SLC15A1: variants seen among roughly 807,000 people sequenced by gnomAD.
The protein encoded by SLC15A1 is Caco-2 oligopeptide transporter.
In SLC15A1, 83 loss-of-function variants were observed where a neutral mutation model predicts 92.9. The ratio of observed to expected loss-of-function variants is 0.89; its 90% CI spans 0.75 to 1.07. The LOEUF (loss-of-function observed/expected upper bound fraction) is 1.07. Ranked by LOEUF, SLC15A1 falls within the 50% of genes least tolerant of loss-of-function variation. SLC15A1 has a pLI of 0.00. For synonymous variants in SLC15A1, 322 were observed against 318.2 expected (o/e 1.01, Z -0.13); for missense variants, 857 against 880.1 (o/e 0.97, Z 0.33).
Position 98,744,578 on chromosome 13 carries a change from C to T in SLC15A1, c.4+8017G>A, listed in dbSNP as rs554318536. 3.9e-4 allele frequency among the ~76,000 whole-genome samples: 59 copies of T among 151,464 alleles called. 1 individual carries two copies. In the South Asian group the frequency reaches 0.012, roughly 31 times the overall value. ...AGCCTGGCCAAGGTAGCAAAACCCC[C>T]TCTCTACACAAGATACAAAAATTAG... is the stretch of plus-strand genomic sequence containing the variant. On this transcript the variant is annotated intron_variant, in intron 1 of 22. Transcript: ENST00000376503.
At chr13:98,716,042 T>A (rs1053996383) in intron 8 of SLC15A1, 82 bp from the exon 9 acceptor site, 1 of 1,167,008 alleles carries the variant, frequency 8.6e-7, no homozygotes, top group Non-Finnish European at 1.3e-6. Context: ...TTTATTTGAA[T>A]TATAACTTTG....
At chr13:98,685,792 C>A (rs148532948) in intron 22 of SLC15A1, among the ~76,000 whole-genome samples, 201 of 152,204 alleles carry the variant, frequency 1.3e-3, no homozygotes, top group African/African-American at 4.7e-3. Flanking sequence ...TCGAGACCAT[C>A]CTGGCCAACA....
At chr13:98,744,522 G>A (rs996806105) in intron 1 of SLC15A1, among the ~76,000 whole-genome samples, 12 of 151,384 alleles carry the variant, frequency 7.9e-5, no homozygotes, top group South Asian at 2.1e-4. Context: ...AGGCCGAGGC[G>A]GGCAGATCAT....
At chr13:98,690,105 G>C (rs747730796) in intron 18 of SLC15A1, among the ~76,000 whole-genome samples, 1 of 152,178 alleles carries the variant, frequency 6.6e-6, no homozygotes, top group Non-Finnish European at 1.5e-5. Flanking sequence ...AAACACATGA[G>C]TGAAGGCCTA....
Position 98,686,310 on chromosome 13 carries a change from A to C in SLC15A1, c.1828-13T>G, listed in dbSNP as rs1292857973. The C allele has an allele frequency of 1.9e-6, 3 of 1,578,922 alleles. No individual in the cohort carries two copies. The Admixed American group carries it at 5.2e-5, about 27-fold the overall frequency. The stretch of plus-strand genomic sequence containing the variant: ...TGTTGGAAGGAGCCTGAGGAAGCAA[A>C]GCAAAGTGAGTCCTGCTCCAGGTCT... On this transcript the variant is annotated splice_polypyrimidine_tract_variant and intron_variant, in intron 21 of 22. Coordinates refer to ENST00000376503, the MANE Select transcript of SLC15A1 (RefSeq NM_005073.4).
chr13:98,725,694 C>A (rs12853441), intron 4 of SLC15A1, among the ~76,000 whole-genome samples: 51,440 of 151,974 alleles, frequency 0.34, 13,526 homozygotes, highest in African/African-American at 0.72. Flanking sequence ...GCAGAAACAG[C>A]GCTGTAAATG....
chr13:98,746,993 C>G (rs980072511), intron 1 of SLC15A1, among the ~76,000 whole-genome samples: 1 of 152,176 alleles, frequency 6.6e-6, no homozygotes, highest in African/African-American at 2.4e-5. Context: ...TCATCCTAAA[C>G]CCCAAAAACC....
chr13:98,723,221 T>A (rs1457097490), intron 5 of SLC15A1, among the ~76,000 whole-genome samples: 1 of 152,164 alleles, frequency 6.6e-6, no homozygotes, highest in Non-Finnish European at 1.5e-5. Context: ...GAGTGTTGCA[T>A]CAAGAGATCC....
At chr13:98,700,268 C>T (rs1314778226) in intron 18 of SLC15A1, among the ~76,000 whole-genome samples, 1 of 151,922 alleles carries the variant, frequency 6.6e-6, no homozygotes, top group African/African-American at 2.4e-5. Flanking sequence ...GGGAGGATTG[C>T]TTCAGCTCAG....
At chr13:98,708,319 T>C (rs1007252986) in intron 15 of SLC15A1, among the ~76,000 whole-genome samples, 12 of 152,198 alleles carry the variant, frequency 7.9e-5, no homozygotes, top group African/African-American at 2.9e-4. Flanking sequence ...GAATTCAAAA[T>C]ACATTCTCAC....
At chr13:98,695,394 TTTTG>T (rs937813630) in intron 18 of SLC15A1, among the ~76,000 whole-genome samples, 4 of 152,068 alleles carry the variant, frequency 2.6e-5, no homozygotes, top group Non-Finnish European at 4.4e-5. Context: ...ACCCAGTTTT[TTTTG>T]TTTGTTTGTT....
In SLC15A1 at chr13:98,702,415, A is replaced by G. The variant is rs1347166789; in HGVS notation, c.1466+65T>C. The stretch of plus-strand genomic sequence containing the variant: ...TATATCCTTGTTACATTTGGACTTT[A>G]CTATGGGTATGCATTACTTTCATAA... On this transcript the variant is annotated intron_variant, in intron 18 of 22. Transcript: ENST00000376503. The G allele has an allele frequency of 2.3e-5, 24 of 1,052,068 alleles. No individual in the cohort carries two copies. In the East Asian group the frequency reaches 5.4e-4, roughly 24 times the overall value. The allele number at this position is 1,052,068 out of a possible 1,614,324, so 65.2% of individuals were successfully genotyped here.
chr13:98,748,803 C>G (rs941503773), intron 1 of SLC15A1, among the ~76,000 whole-genome samples: 4 of 152,104 alleles, frequency 2.6e-5, no homozygotes, highest in African/African-American at 7.2e-5. Flanking sequence ...TCTTTAGAGT[C>G]GTGGTTCTCA....
In SLC15A1 at chr13:98,719,223, C is replaced by T. The variant is rs199739446; in HGVS notation, c.640+14G>A. 16 of 1,603,682 alleles carry T rather than the reference C, an allele frequency of 1.0e-5. No homozygotes were observed. Among genetic ancestry groups the T allele is most frequent in the East Asian group, 6.7e-5 (3 of 44,770 alleles). ...GGTCCTAGGCTTCTATTAATTCAAC[C>T]GATTTCCACTTACTCAGGGCTACAG... On this transcript the variant is annotated intron_variant, in intron 8 of 22. Coordinates refer to ENST00000376503, the MANE Select transcript of SLC15A1 (RefSeq NM_005073.4).
At chr13:98,702,666 G>T in intron 17 of SLC15A1, 137 bp from the exon 18 acceptor site, 1 of 704,292 alleles carries the variant, frequency 1.4e-6, no homozygotes, top group Non-Finnish European at 2.5e-6. Flanking sequence ...CATTAGAAGG[G>T]CTCTGGAGGC....
At chr13:98,734,333 C>T (rs573555394) in intron 1 of SLC15A1, among the ~76,000 whole-genome samples, 40 of 152,112 alleles carry the variant, frequency 2.6e-4, no homozygotes, top group Non-Finnish European at 5.1e-4. Context: ...CAAATAGGAA[C>T]AGCTCTGGTC....
At chr13:98,707,911 A>T (rs976720559) in intron 15 of SLC15A1, among the ~76,000 whole-genome samples, 1 of 145,696 alleles carries the variant, frequency 6.9e-6, no homozygotes, top group African/African-American at 2.6e-5. Flanking sequence ...AAAAAAAAAA[A>T]AAAAAAAAAA....
rs766523628 is a variant in SLC15A1, at chr13:98,702,512, G to A, written c.1434C>T (p.Asn478=). The A allele has an allele frequency of 5.7e-5, 91 of 1,608,098 alleles. No homozygotes were observed. Among genetic ancestry groups the A allele is most frequent in the Admixed American group, 8.3e-5 (5 of 59,926 alleles). ...NHYQVVKDGL[N]QKPEKGENGI... ...CATTTTCCCCTTTTTCTGGCTTCTGGTTAAGACCATCCTTTACCTGAGAGA... is the reference window on the plus strand; with the variant it reads ...CATTTTCCCCTTTTTCTGGCTTCTGATTAAGACCATCCTTTACCTGAGAGA... Residue 478 remains asparagine, a synonymous_variant, in exon 18 of 23, where the codon AAC becomes AAT. Transcript: ENST00000376503.
chr13:98,731,048 C>T lies in SLC15A1; in HGVS notation c.5-4189G>A, dbSNP rs542217401. Among the ~76,000 whole-genome samples, 5 of 152,346 alleles carry T rather than the reference C, an allele frequency of 3.3e-5. No homozygotes were observed. In the South Asian group the frequency reaches 8.3e-4, roughly 25 times the overall value. The stretch of plus-strand genomic sequence containing the variant: ...AGTCACGGCTTCTCTGACGTCAGCC[C>T]TTCCCACACAACTCTTTCCTTCCAG... On this transcript the variant is annotated intron_variant, in intron 1 of 22. Coordinates refer to ENST00000376503, the MANE Select transcript of SLC15A1 (RefSeq NM_005073.4).
Sources: gnomAD v4.1 joint callset for allele counts (sites outside exome capture counted in the v4.1 genomes callset) on GRCh38, gnomAD v4.1.1 for gene constraint, MANE v1.5 for transcripts, NCBI Gene and HGNC (gene_info 2026-07-23, HGNC 2026-07-21) for gene names.